The following PHF20L1 variants were observed in gnomAD, a reference collection of about 807,000 sequenced individuals.
PHF20L1 encodes the protein PHD finger protein 20 like 1.
PHF20L1 carries 44 observed loss-of-function variants against 125.5 expected under a neutral mutation model. The ratio of observed to expected loss-of-function variants is 0.35; its 90% CI spans 0.28 to 0.45. The LOEUF (loss-of-function observed/expected upper bound fraction) is 0.45. Among genes scored for constraint, PHF20L1 ranks in the 20% least tolerant of loss-of-function variants. PHF20L1 has a pLI of 1.00. For missense variants in PHF20L1, 1,012 were observed against 1,217.2 expected (o/e 0.83, Z 2.51); for synonymous variants, 380 against 403.1 (o/e 0.94, Z 0.69).
chr8:132,846,479 A>C lies in PHF20L1; in HGVS notation c.*556A>C, dbSNP rs1838428712. 1 of 152,568 alleles carries C rather than the reference A, an allele frequency of 6.6e-6. No individual in the cohort carries two copies. The highest frequency in any genetic ancestry group is 2.4e-5 in the African/African-American group (1 of 41,444). 9.5% of individuals were successfully genotyped at this position (152,568 alleles called of 1,614,324 possible). Reference sequence around the variant, plus strand: ...TTGGGCGATGAATGTTCTCAATCAGAAAACTGACAGTAGAAATCTCACTTC... The same window carrying C: ...TTGGGCGATGAATGTTCTCAATCAGCAAACTGACAGTAGAAATCTCACTTC... On this transcript the variant is annotated 3_prime_UTR_variant, in exon 21 of 21. Transcript: ENST00000395386.
chr8:132,796,083 A>C (rs1832354350), intron 4 of PHF20L1, among the ~76,000 whole-genome samples: 1 of 152,134 alleles, frequency 6.6e-6, no homozygotes, highest in Non-Finnish European at 1.5e-5. Flanking sequence ...AAGGGCATTT[A>C]ATCTAAGTAA....
chr8:132,812,730 T>C, intron 9 of PHF20L1: 2 of 984,002 alleles, frequency 2.0e-6, no homozygotes, highest in Non-Finnish European at 2.4e-6. Context: ...GTTATAAAGC[T>C]CTTAATTACA....
rs756405569 is a variant in PHF20L1, at chr8:132,839,406, A to G, written c.2211A>G (p.Lys737=). The G allele has an allele frequency of 6.2e-7, 1 of 1,613,018 alleles. No homozygotes were observed. Among genetic ancestry groups the G allele is most frequent in the East Asian group, 2.2e-5 (1 of 44,848 alleles). The change falls in exon 18 of 21, where the codon AAA becomes AAG. Residue 737 remains lysine (K), a synonymous_variant. Coordinates refer to ENST00000395386, the MANE Select transcript of PHF20L1 (RefSeq NM_016018.5). ...CTGCAGGTCAGAGGTGGAGTGCAAA[A>G]TATCGTTATGATAAGGAGTGGTTGA... ...RDPPGQRWSA[K]YRYDKEWLNN... is the part of the protein sequence containing the mutation.
At chr8:132,844,514 C>G (rs774705117) in intron 20 of PHF20L1, among the ~76,000 whole-genome samples, 196 bp downstream of exon 20, 7 of 151,924 alleles carry the variant, frequency 4.6e-5, no homozygotes, top group Non-Finnish European at 8.8e-5. Context: ...CGGGTATGAC[C>G]TTAGGTTGTT....
intron 15 of PHF20L1, among the ~76,000 whole-genome samples, chr8:132,834,267 G>A (rs150277827): frequency 1.3e-5 from 2 of 152,152 alleles, no homozygotes; most frequent in African/African-American, 4.8e-5. Flanking sequence ...CATAAAACTG[G>A]TAATCTTTGC....
At chr8:132,829,326 G>A (rs1047735424) in intron 14 of PHF20L1, among the ~76,000 whole-genome samples, 4 of 152,164 alleles carry the variant, frequency 2.6e-5, no homozygotes, top group Admixed American at 6.5e-5. Flanking sequence ...ACAGCTAAGC[G>A]ACCTTTGACA....
At chr8:132,845,369 G>T (rs1193829623) in intron 20 of PHF20L1, among the ~76,000 whole-genome samples, 1 of 152,016 alleles carries the variant, frequency 6.6e-6, no homozygotes, top group Non-Finnish European at 1.5e-5. Context: ...TATGTTTTAT[G>T]TAGAGATGAC....
chr8:132,823,746 C>T (rs191998590), intron 12 of PHF20L1, among the ~76,000 whole-genome samples: 2 of 152,010 alleles, frequency 1.3e-5, no homozygotes, highest in East Asian at 3.9e-4. Flanking sequence ...CTCAAGGCCA[C>T]AGAGCTAGTA....
intron 2 of PHF20L1, among the ~76,000 whole-genome samples, chr8:132,789,455 C>G (rs540216508): frequency 6.6e-6 from 1 of 152,260 alleles, no homozygotes; most frequent in East Asian, 1.9e-4. Context: ...CACACGAATT[C>G]AGAAAGTGCC....
In PHF20L1 at chr8:132,848,202, T is replaced by C. The variant is rs992576126; in HGVS notation, c.*2279T>C. The C allele has an allele frequency of 2.6e-5, 4 of 152,130 alleles. No individual in the cohort carries two copies. Among genetic ancestry groups the C allele is most frequent in the Admixed American group, 2.0e-4 (3 of 15,252 alleles). 9.4% of individuals were successfully genotyped at this position (152,130 alleles called of 1,614,324 possible). ...TTAGCCAGCAAATTGAAAATTCCAT[T>C]ATTAGATTAATGAAATTTTTGCTCT... On this transcript the variant is annotated 3_prime_UTR_variant, in exon 21 of 21. Coordinates refer to ENST00000395386, the MANE Select transcript of PHF20L1 (RefSeq NM_016018.5).
intron 8 of PHF20L1, 83 bp downstream of exon 8, chr8:132,804,823 G>A (rs1389322561): frequency 1.6e-6 from 2 of 1,261,972 alleles, no homozygotes; most frequent in Non-Finnish European, 2.2e-6. Flanking sequence ...AAGTAAAATG[G>A]TTTTGATTTA....
At chr8:132,823,001 A>G (rs1285609640) in intron 12 of PHF20L1, among the ~76,000 whole-genome samples, 1 of 151,926 alleles carries the variant, frequency 6.6e-6, no homozygotes, top group East Asian at 1.9e-4. Flanking sequence ...AGCATTGGGA[A>G]TGGTTGAATA....
Position 132,845,977 on chromosome 8 carries a change from A to G in PHF20L1, c.*54A>G. 26 of 1,406,078 alleles carry G rather than the reference A, an allele frequency of 1.8e-5. No homozygotes were observed. The highest frequency in any genetic ancestry group is 2.4e-5 in the Non-Finnish European group (24 of 1,004,496). The allele number at this position is 1,406,078 out of a possible 1,614,324, so 87.1% of individuals were successfully genotyped here. On this transcript the variant is annotated 3_prime_UTR_variant, in exon 21 of 21. Transcript: ENST00000395386. ...GGCTTTCTTCAGTCAAAGCATTTTT[A>G]TTATCCACGTGATGGCTAAGTGGAT...
At chr8:132,845,758 GT>G in intron 20 of PHF20L1, 22 bp from the exon 21 acceptor site, 1 of 1,558,644 alleles carries the variant, frequency 6.4e-7, no homozygotes, top group East Asian at 2.2e-5. Flanking sequence ...GTTTAAATTT[GT>G]TTATCTTCTT....
In PHF20L1 at chr8:132,836,577, G is replaced by A. The variant is rs199826435; in HGVS notation, c.1947G>A (p.Thr649=). ...SDVDFLDDSS[T]ESLLLSGDEY... ...TAGACTTCCTAGATGATTCTTCAAC[G>A]GAGAGTTTGCTTCTGAGTGGGGATG... is the stretch of plus-strand genomic sequence containing the variant. Residue 649 remains threonine, a synonymous_variant, in exon 16 of 21, where the codon ACG becomes ACA. Coordinates refer to ENST00000395386, the MANE Select transcript of PHF20L1 (RefSeq NM_016018.5). The A allele has an allele frequency of 1.6e-4, 261 of 1,611,952 alleles. No homozygotes were observed. Among genetic ancestry groups the A allele is most frequent in the Non-Finnish European group, 2.1e-4 (250 of 1,178,420 alleles).
At chr8:132,794,631 C>A in intron 3 of PHF20L1, 50 bp downstream of exon 3, 1 of 1,512,846 alleles carries the variant, frequency 6.6e-7, no homozygotes, top group Non-Finnish European at 9.1e-7. Context: ...TATGTAATGA[C>A]ATATTTTAAA....
intron 2 of PHF20L1, among the ~76,000 whole-genome samples, chr8:132,787,997 A>G (rs972453734): frequency 9.2e-5 from 14 of 152,082 alleles, no homozygotes; most frequent in African/African-American, 3.4e-4. Flanking sequence ...TTATAGATGA[A>G]GTTCTTATCC....
intron 1 of PHF20L1, among the ~76,000 whole-genome samples, chr8:132,776,613 T>A (rs1238851557): frequency 2.0e-5 from 3 of 152,216 alleles, no homozygotes; most frequent in Non-Finnish European, 2.9e-5. Flanking sequence ...CCAGTATTGA[T>A]GCTATTTTTT....
intron 20 of PHF20L1, among the ~76,000 whole-genome samples, 184 bp from the exon 21 acceptor site, chr8:132,845,597 C>T (rs1426573931): frequency 6.6e-6 from 1 of 151,888 alleles, no homozygotes; most frequent in African/African-American, 2.4e-5. Flanking sequence ...CCAAGAGGGA[C>T]TAGAACTCTG....
Sources: gnomAD v4.1 joint callset for allele counts (sites outside exome capture counted in the v4.1 genomes callset) on GRCh38, gnomAD v4.1.1 for gene constraint, MANE v1.5 for transcripts, NCBI Gene and HGNC (gene_info 2026-07-23, HGNC 2026-07-21) for gene names.